Variants in HIF3A observed in about 807,000 individuals in gnomAD.
The protein encoded by HIF3A is hypoxia inducible factor 3 subunit alpha, also known as hypoxia-inducible factor 3-alpha.
A neutral mutation model predicts 67.2 loss-of-function variants in HIF3A; 41 were observed. That is an observed-to-expected ratio of 0.61 (90% CI 0.48 to 0.79). The LOEUF (loss-of-function observed/expected upper bound fraction) is 0.79. Ranked by LOEUF, HIF3A falls within the 30% of genes least tolerant of loss-of-function variation. The pLI, the probability that HIF3A is intolerant of heterozygous loss-of-function variation, is 0.00. For missense variants in HIF3A, 855 were observed against 898.0 expected, an observed-to-expected ratio of 0.95 and a Z score of 0.61; for synonymous variants, 356 against 374.8, an observed-to-expected ratio of 0.95 and a Z score of 0.58.
rs1479154746 is a variant in HIF3A at position 46,325,605 on chromosome 19, C to T, written c.1406C>T (p.Thr469Ile). The T allele has an allele frequency of 1.2e-6, 2 of 1,613,178 alleles. No homozygotes were observed. Among genetic ancestry groups the T allele is most frequent in the Non-Finnish European group, 1.7e-6 (2 of 1,179,760 alleles). ...VHRLFTSGKD[T>I]EAVETDLDIA... is the part of the protein sequence containing the mutation. ...AGACTCTTCACCTCCGGGAAAGACA[C>T]TGAGGCAGTGGAGACAGATTTAGAT... is the stretch of plus-strand genomic sequence containing the variant. The change falls in exon 11 of 15, where the codon ACT becomes ATT. Residue 469 changes from threonine to isoleucine, a missense_variant. This residue lies in a region of HIF3A where 638 missense variants were observed against 660.5 expected (regional missense o/e 0.97). Transcript: ENST00000377670.
intron 10 of HIF3A, among the ~76,000 whole-genome samples, chr19:46,323,599 G>A (rs957066089): frequency 1.3e-5 from 2 of 152,054 alleles, no homozygotes; most frequent in Non-Finnish European, 2.9e-5. Flanking sequence ...ATATATATAT[G>A]TGTGTATAAA....
chr19:46,319,748 C>CT, intron 8 of HIF3A, among the ~76,000 whole-genome samples: 1 of 152,260 alleles, frequency 6.6e-6, no homozygotes, highest in Admixed American at 6.5e-5. Context: ...TCACCCCGCT[C>CT]TTTGCCCCTG....
At chr19:46,335,101 T>A in intron 14 of HIF3A, 115 bp downstream of exon 14, 1 of 716,318 alleles carries the variant, frequency 1.4e-6, no homozygotes, top group Non-Finnish European at 2.2e-6. Context: ...GAGGTGACCT[T>A]GGTGGAAACG....
intron 13 of HIF3A, among the ~76,000 whole-genome samples, chr19:46,333,391 G>T (rs1355176175): frequency 6.6e-6 from 1 of 152,150 alleles, no homozygotes; most frequent in Non-Finnish European, 1.5e-5. Flanking sequence ...GGTGCAGGGC[G>T]GGGTGGTCAC....
chr19:46,322,552 G>A (rs1178529760), intron 10 of HIF3A, among the ~76,000 whole-genome samples: 1 of 152,114 alleles, frequency 6.6e-6, no homozygotes, highest in Non-Finnish European at 1.5e-5. Flanking sequence ...CAATTCTCTT[G>A]CCTCAGCCTC....
Position 46,308,787 on chromosome 19 carries a change from C to A in HIF3A, c.561+12C>A. ...CGGCCACCTGGAAGGTGCGTGGGGCCGGGCCAGAGGAGGGCGGGGACGCTG... is the reference window on the plus strand; with the variant it reads ...CGGCCACCTGGAAGGTGCGTGGGGCAGGGCCAGAGGAGGGCGGGGACGCTG... On this transcript the variant is annotated intron_variant, in intron 5 of 14. Coordinates refer to ENST00000377670, the MANE Select transcript of HIF3A (RefSeq NM_152795.4). 1 of 1,558,992 alleles carries A rather than the reference C, an allele frequency of 6.4e-7. No individual in the cohort carries two copies. Among genetic ancestry groups the A allele is most frequent in the Non-Finnish European group, 8.8e-7 (1 of 1,140,362 alleles).
Position 46,311,353 on chromosome 19 carries a change from G to A in HIF3A, c.771-808G>A, listed in dbSNP as rs115489718. Among the ~76,000 whole-genome samples the A allele has an allele frequency of 8.0e-3, 1,214 of 152,310 alleles. 16 individuals carry two copies. The highest frequency in any genetic ancestry group is 0.028 in the African/African-American group (1,167 of 41,574). ...CGCCTATAAACCTAGCACTTTGGGA[G>A]GCCAAGGCAGGAGGATGGCTTGAGG... On this transcript the variant is annotated intron_variant, in intron 6 of 14. Transcript: ENST00000377670.
rs531864246 is a variant in HIF3A at position 46,335,728 on chromosome 19, C to A, written c.1912+742C>A. Among the ~76,000 whole-genome samples, 4 of 151,974 alleles carry A rather than the reference C, an allele frequency of 2.6e-5. No homozygotes were observed. In the South Asian group the frequency reaches 8.3e-4, roughly 32 times the overall value. ...TCCAGTCTGGGCAACACAGCGAGAC[C>A]CTGTCTCAAATAAAAAAGAGTGCAA... On this transcript the variant is annotated intron_variant, in intron 14 of 14. Transcript: ENST00000377670.
intron 12 of HIF3A, among the ~76,000 whole-genome samples, chr19:46,329,963 A>AC: frequency 6.7e-6 from 1 of 149,276 alleles, no homozygotes; most frequent in South Asian, 2.1e-4. Flanking sequence ...TGTCAAGAAA[A>AC]AAAAAAAAAA....
Position 46,342,460 on chromosome 19 carries a change from A to G in HIF3A, c.*2838A>G, listed in dbSNP as rs1477029203. On this transcript the variant is annotated 3_prime_UTR_variant, in exon 15 of 15. Coordinates refer to ENST00000377670, the MANE Select transcript of HIF3A (RefSeq NM_152795.4). ...ATGTTGCCCAGGCTGGTCGCGAACT[A>G]CTGAGCTCAAGCAATTCTCCCTCCT... is the stretch of plus-strand genomic sequence containing the variant. 5.3e-5 allele frequency: 8 copies of G among 150,598 alleles called. No homozygotes were observed. The highest frequency in any genetic ancestry group is 1.7e-4 in the African/African-American group (7 of 40,962). The allele number at this position is 150,598 out of a possible 1,614,324, so 9.3% of individuals were successfully genotyped here. A position where few individuals can be genotyped will look rare whatever the true frequency, so the allele number is the denominator to read the frequency against.
chr19:46,307,714 C>T (rs894976002), intron 3 of HIF3A, among the ~76,000 whole-genome samples: 2 of 149,962 alleles, frequency 1.3e-5, no homozygotes, highest in Non-Finnish European at 3.0e-5. Context: ...CACCACTACA[C>T]TCCAGCCTGG....
chr19:46,307,904 A>G (rs1969011210), intron 3 of HIF3A, among the ~76,000 whole-genome samples: 1 of 152,130 alleles, frequency 6.6e-6, no homozygotes, highest in Non-Finnish European at 1.5e-5. Context: ...GCTGCATTCC[A>G]GCCTGGGCAA....
rs759166040 is a variant in HIF3A at position 46,303,621 on chromosome 19, A to G, written c.27-277A>G. The G allele has an allele frequency of 5.7e-6, 9 of 1,570,786 alleles. No individual in the cohort carries two copies. The South Asian group carries it at 9.4e-5, about 16-fold the overall frequency. Reference sequence around the variant, plus strand: ...TGCAGATAAGTCAGGGAGGGGACAGAGCGGCCCTAGGCGCGCCACAGAGAG... The same window carrying G: ...TGCAGATAAGTCAGGGAGGGGACAGGGCGGCCCTAGGCGCGCCACAGAGAG... On this transcript the variant is annotated intron_variant, in intron 1 of 14. Transcript: ENST00000377670.
chr19:46,332,572 T>C (rs1024752342), intron 13 of HIF3A, among the ~76,000 whole-genome samples: 4 of 152,166 alleles, frequency 2.6e-5, no homozygotes, highest in African/African-American at 9.7e-5. Flanking sequence ...CAGCCTGGAC[T>C]ATGTCACTTC....
In HIF3A at chr19:46,325,612, A is replaced by C. The variant is rs1431888674; in HGVS notation, c.1413A>C (p.Ala471=). The change falls in exon 11 of 15, where the codon GCA becomes GCC. Residue 471 remains alanine (A), a synonymous_variant. Coordinates refer to ENST00000377670, the MANE Select transcript of HIF3A (RefSeq NM_152795.4). ...RLFTSGKDTE[A]VETDLDIAQD... ...TCACCTCCGGGAAAGACACTGAGGC[A>C]GTGGAGACAGATTTAGATATAGCTC... The C allele has an allele frequency of 1.9e-6, 3 of 1,613,206 alleles. No individual in the cohort carries two copies. Among genetic ancestry groups the C allele is most frequent in the African/African-American group, 1.3e-5 (1 of 74,994 alleles).
At chr19:46,338,892 G>A (rs1279173028) in intron 14 of HIF3A, among the ~76,000 whole-genome samples, 1 of 152,190 alleles carries the variant, frequency 6.6e-6, no homozygotes. Context: ...TTTGAATCCA[G>A]ACAGGCTTGC....
intron 6 of HIF3A, among the ~76,000 whole-genome samples, chr19:46,309,828 G>A (rs575934554): frequency 5.9e-5 from 9 of 152,172 alleles, no homozygotes; most frequent in South Asian, 2.1e-4. Context: ...GGCTCACACC[G>A]GCAGTACCAG....
chr19:46,333,894 G>C (rs963248744), intron 13 of HIF3A, among the ~76,000 whole-genome samples: 3 of 141,988 alleles, frequency 2.1e-5, no homozygotes, highest in African/African-American at 7.9e-5. Context: ...CCGGGTTCAC[G>C]CCATTCTCCT....
intron 6 of HIF3A, 74 bp downstream of exon 6, chr19:46,309,433 T>TTCTCTCTCTCCTTCTC: frequency 4.7e-6 from 4 of 848,590 alleles, no homozygotes; most frequent in Non-Finnish European, 7.3e-6. Flanking sequence ...ACTCCCGCAT[T>TTCTCTCTCTCCTTCTC]TCTCTCTCTC....
Sources: allele counts gnomAD v4.1 joint callset (sites outside exome capture counted in the v4.1 genomes callset), GRCh38; gene constraint gnomAD v4.1.1; regional missense constraint gnomAD v4.1.1; transcripts MANE v1.5; gene names NCBI Gene and HGNC (gene_info 2026-07-23, HGNC 2026-07-21).